CMTM8: variants seen among roughly 807,000 people sequenced by gnomAD.
CMTM8 encodes the protein CKLF like MARVEL transmembrane domain containing 8, also known as CKLF-like MARVEL transmembrane domain-containing protein 8.
Under a neutral mutation model 18.6 loss-of-function variants are expected in CMTM8, and 12 were observed. The ratio of observed to expected loss-of-function variants is 0.65; its 90% CI spans 0.41 to 1.05. The LOEUF (loss-of-function observed/expected upper bound fraction) is 1.05. CMTM8 is among the 50% of genes least tolerant of loss of function. The pLI is 0.00. For synonymous variants in CMTM8, 87 were observed against 90.6 expected (o/e 0.96, Z 0.23); for missense variants, 217 against 227.2 (o/e 0.95, Z 0.29).
At chr3:32,251,348 C>G (rs138614944) in intron 1 of CMTM8, among the ~76,000 whole-genome samples, 1 of 151,920 alleles carries the variant, frequency 6.6e-6, no homozygotes, top group African/African-American at 2.4e-5. Context: ...GGGTCTCACT[C>G]TGTTGCCCAG....
At chr3:32,246,236 T>C (rs1294042408) in intron 1 of CMTM8, among the ~76,000 whole-genome samples, 5 of 152,144 alleles carry the variant, frequency 3.3e-5, no homozygotes, top group African/African-American at 1.2e-4. Flanking sequence ...CATGGACTTA[T>C]TAAGGGCCCC....
intron 1 of CMTM8, among the ~76,000 whole-genome samples, chr3:32,296,974 C>G (rs994382947): frequency 2.0e-5 from 3 of 152,070 alleles, no homozygotes; most frequent in African/African-American, 4.8e-5. Context: ...TTCTCCACTC[C>G]CTCCCCGTGT....
chr3:32,339,273 G>A (rs1044679316), intron 1 of CMTM8, among the ~76,000 whole-genome samples: 14 of 152,150 alleles, frequency 9.2e-5, no homozygotes, highest in Admixed American at 3.3e-4. Flanking sequence ...TTAGTTGATC[G>A]TAGAACGTGA....
At chr3:32,362,387 A>G (rs1480957036) in intron 2 of CMTM8, among the ~76,000 whole-genome samples, 1 of 152,156 alleles carries the variant, frequency 6.6e-6, no homozygotes, top group Non-Finnish European at 1.5e-5. Context: ...TAGATGTCAC[A>G]CTGGGTCCTT....
At chr3:32,295,455 C>CAAAAA (rs1400148634) in intron 1 of CMTM8, among the ~76,000 whole-genome samples, 302 of 26,864 alleles carry the variant, frequency 0.011, 5 homozygotes, top group African/African-American at 0.017. Context: ...GACTCCATCT[C>CAAAAA]AAAAAAAAAA....
rs140270969 is a variant in CMTM8, at chr3:32,361,286, G to GTTTGTTTTTTTTTTTTTTTTTT, written c.321+3743_321+3744insGTTTTTTTTTTTTTTTTTTTTT. 3.4e-3 allele frequency among the ~76,000 whole-genome samples: 299 copies of GTTTGTTTTTTTTTTTTTTTTTT among 86,918 alleles called. 11 individuals carry two copies. Among genetic ancestry groups the GTTTGTTTTTTTTTTTTTTTTTT allele is most frequent in the South Asian group, 6.8e-3 (15 of 2,190 alleles). 57.0% of individuals were successfully genotyped at this position (86,918 alleles called of 152,430 possible). On this transcript the variant is annotated intron_variant, in intron 2 of 3. Coordinates refer to ENST00000307526, the MANE Select transcript of CMTM8 (RefSeq NM_178868.5). ...GTGAGCCACGGCGCCCAGCCTAAGA[G>GTTTGTTTTTTTTTTTTTTTTTT]TTTTTTTTTCTTTCAAATTTTGGAA...
intron 1 of CMTM8, among the ~76,000 whole-genome samples, chr3:32,262,631 C>T (rs1702273306): frequency 6.6e-6 from 1 of 152,224 alleles, no homozygotes; most frequent in Non-Finnish European, 1.5e-5. Context: ...TGACCTGATA[C>T]TTCCTGAACT....
intron 1 of CMTM8, among the ~76,000 whole-genome samples, chr3:32,310,514 A>G (rs1361451354): frequency 1.3e-5 from 2 of 152,192 alleles, no homozygotes; most frequent in Non-Finnish European, 2.9e-5. Context: ...CGGACTTAAA[A>G]ATAGCTGTTT....
chr3:32,303,251 G>C (rs1695657489), intron 1 of CMTM8, among the ~76,000 whole-genome samples: 1 of 152,198 alleles, frequency 6.6e-6, no homozygotes, highest in East Asian at 1.9e-4. Flanking sequence ...ATTCTCTTGA[G>C]AGCAGTTGTG....
chr3:32,252,755 C>G (rs1029217110), intron 1 of CMTM8, among the ~76,000 whole-genome samples: 1 of 152,086 alleles, frequency 6.6e-6, no homozygotes, highest in Non-Finnish European at 1.5e-5. Context: ...GGGTGGTTTT[C>G]ATTTTCTTTT....
chr3:32,340,371 A>T (rs77366376), intron 1 of CMTM8, among the ~76,000 whole-genome samples: 3,206 of 152,256 alleles, frequency 0.021, 99 homozygotes, highest in African/African-American at 0.072. Context: ...TGGCTTGAAG[A>T]GCCCCTGTGA....
At chr3:32,281,203 T>C (rs2125549888) in intron 1 of CMTM8, among the ~76,000 whole-genome samples, 1 of 152,330 alleles carries the variant, frequency 6.6e-6, no homozygotes, top group East Asian at 1.9e-4. Flanking sequence ...AAGCTCTGTT[T>C]TCCCTGGCAC....
At chr3:32,264,296 C>T (rs1490480008) in intron 1 of CMTM8, among the ~76,000 whole-genome samples, 1 of 152,202 alleles carries the variant, frequency 6.6e-6, no homozygotes, top group Admixed American at 6.5e-5. Context: ...GGTCAATATT[C>T]AAAATTCTTA....
At position 32,238,891 on chromosome 3, in the gene CMTM8, GTCCCC is replaced by G; in HGVS notation, c.-81_-77del. ...CCGCGCTCCCCTCCCCCGCGCCTGT[GTCCCC>G]AGGGCGCAGGGCCGCGCGTCCAGCC... On this transcript the variant is annotated 5_prime_UTR_variant, in exon 1 of 4. Coordinates refer to ENST00000307526, the MANE Select transcript of CMTM8 (RefSeq NM_178868.5). 2.3e-6 allele frequency: 3 copies of G among 1,312,968 alleles called. No individual in the cohort carries two copies. Among genetic ancestry groups the G allele is most frequent in the Non-Finnish European group, 3.0e-6 (3 of 1,015,758 alleles). 81.3% of individuals were successfully genotyped at this position (1,312,968 alleles called of 1,614,324 possible). A position where few individuals can be genotyped will look rare whatever the true frequency, so the allele number is the denominator to read the frequency against.
intron 1 of CMTM8, among the ~76,000 whole-genome samples, chr3:32,249,093 T>G (rs1702081614): frequency 8.3e-6 from 1 of 119,932 alleles, no homozygotes; most frequent in South Asian, 3.0e-4. Context: ...CAGGCCGCAC[T>G]GCAGGCCTGG....
intron 1 of CMTM8, among the ~76,000 whole-genome samples, chr3:32,247,929 A>G (rs1057289103): frequency 6.6e-6 from 1 of 152,170 alleles, no homozygotes; most frequent in Non-Finnish European, 1.5e-5. Context: ...TATCTTTATG[A>G]ATTTGCCTAT....
At chr3:32,240,663 G>A (rs1425602712) in intron 1 of CMTM8, among the ~76,000 whole-genome samples, 2 of 152,164 alleles carry the variant, frequency 1.3e-5, no homozygotes, top group Non-Finnish European at 2.9e-5. Context: ...CTGTTGACAT[G>A]TTAGCATGTA....
chr3:32,365,431 G>T (rs1231550261), intron 2 of CMTM8, among the ~76,000 whole-genome samples: 2 of 143,076 alleles, frequency 1.4e-5, no homozygotes, highest in African/African-American at 2.5e-5. Context: ...TTGTGTGTGT[G>T]TTTTTGGTTG....
intron 1 of CMTM8, among the ~76,000 whole-genome samples, chr3:32,278,273 T>C (rs904776481): frequency 6.6e-6 from 1 of 152,178 alleles, no homozygotes; most frequent in African/African-American, 2.4e-5. Flanking sequence ...GGAAATGTGG[T>C]CCTCATCTAC....
Sources: gnomAD v4.1 joint callset for allele counts (sites outside exome capture counted in the v4.1 genomes callset) on GRCh38, gnomAD v4.1.1 for gene constraint, MANE v1.5 for transcripts, NCBI Gene and HGNC (gene_info 2026-07-23, HGNC 2026-07-21) for gene names.